PXDNL: variants seen among roughly 807,000 people sequenced by gnomAD.
PXDNL encodes probable oxidoreductase PXDNL.
Under a neutral mutation model 150.8 loss-of-function variants are expected in PXDNL, and 145 were observed. The ratio of observed to expected loss-of-function variants is 0.96; its 90% CI spans 0.84 to 1.10. PXDNL has a LOEUF of 1.10. Among genes scored for constraint, PXDNL ranks in the 50% least tolerant of loss-of-function variants. The pLI, the probability that PXDNL is intolerant of heterozygous loss-of-function variation, is 0.00. For missense variants in PXDNL, 2,087 were observed against 1,873.9 expected (o/e 1.11, Z -2.10); for synonymous variants, 757 against 725.7 (o/e 1.04, Z -0.69).
Position 51,447,621 on chromosome 8 carries a change from C to T in PXDNL, c.1367-459G>A, listed in dbSNP as rs1432794626. Among the ~76,000 whole-genome samples the T allele has an allele frequency of 3.3e-5, 5 of 152,122 alleles. 1 individual carries two copies. The highest frequency in any genetic ancestry group is 3.3e-4 in the Admixed American group (5 of 15,284). The stretch of plus-strand genomic sequence containing the variant: ...AAATGGTGATTTTGTGACATTCATG[C>T]TGTTATCTACACAGTCAACCAGAGG... On this transcript the variant is annotated intron_variant, in intron 11 of 22. Coordinates refer to ENST00000356297, the MANE Select transcript of PXDNL (RefSeq NM_144651.5).
intron 17 of PXDNL, among the ~76,000 whole-genome samples, chr8:51,391,870 AG>A: frequency 6.6e-6 from 1 of 152,112 alleles, no homozygotes; most frequent in Non-Finnish European, 1.5e-5. Context: ...TTATGGTTTT[AG>A]GTCTAATGTT....
rs1249996631 is a variant in PXDNL, at chr8:51,408,312, C to G, written c.3312G>C (p.Leu1104=). Residue 1104 remains leucine, a synonymous_variant, in exon 17 of 23, where the codon CTG becomes CTC. Transcript: ENST00000356297. ...EGGIDPVLRG[L]FGVAAKWRAP... The stretch of plus-strand genomic sequence containing the variant: ...CCCGCCATTTAGCAGCCACGCCAAA[C>G]AGCCCCCGGAGAACCGGGTCTATCC... The G allele has an allele frequency of 6.2e-7, 1 of 1,613,884 alleles. No individual in the cohort carries two copies. The highest frequency in any genetic ancestry group is 8.5e-7 in the Non-Finnish European group (1 of 1,179,890).
At chr8:51,400,544 C>T (rs1808216637) in intron 17 of PXDNL, among the ~76,000 whole-genome samples, 1 of 152,094 alleles carries the variant, frequency 6.6e-6, no homozygotes, top group South Asian at 2.1e-4. Context: ...TCTGTTTTTG[C>T]TAGACAAATA....
At chr8:51,418,683 CTA>C (rs1285958598) in intron 14 of PXDNL, among the ~76,000 whole-genome samples, 1 of 152,104 alleles carries the variant, frequency 6.6e-6, no homozygotes, top group Admixed American at 6.5e-5. Flanking sequence ...ACTGATATTC[CTA>C]TGAGTTTAGT....
At chr8:51,627,183 C>T (rs1276670942) in intron 2 of PXDNL, among the ~76,000 whole-genome samples, 1 of 152,134 alleles carries the variant, frequency 6.6e-6, no homozygotes, top group Non-Finnish European at 1.5e-5. Flanking sequence ...AATTAAATTT[C>T]TCTGTGACTT....
At chr8:51,733,475 TGAA>T (rs762395893) in intron 1 of PXDNL, among the ~76,000 whole-genome samples, 1 of 151,834 alleles carries the variant, frequency 6.6e-6, no homozygotes, top group Non-Finnish European at 1.5e-5. Context: ...GGAGGAAACA[TGAA>T]GGAGGGAAGA....
intron 8 of PXDNL, among the ~76,000 whole-genome samples, chr8:51,461,660 C>T (rs934513750): frequency 8.5e-5 from 13 of 152,226 alleles, no homozygotes; most frequent in Non-Finnish European, 1.6e-4. Flanking sequence ...CCCTAGGGAG[C>T]TGCAAGTCTC....
chr8:51,365,878 A>C (rs1466058189), intron 19 of PXDNL, among the ~76,000 whole-genome samples: 2 of 152,212 alleles, frequency 1.3e-5, no homozygotes, highest in African/African-American at 4.8e-5. Context: ...GCCCCAACAA[A>C]CCAGACAAAA....
At chr8:51,707,416 T>C (rs1281960002) in intron 1 of PXDNL, among the ~76,000 whole-genome samples, 1 of 152,184 alleles carries the variant, frequency 6.6e-6, no homozygotes, top group East Asian at 1.9e-4. Flanking sequence ...CCTATACTCA[T>C]GATACCACAG....
intron 20 of PXDNL, among the ~76,000 whole-genome samples, chr8:51,344,263 C>T (rs1042436632): frequency 6.6e-6 from 1 of 151,568 alleles, no homozygotes; most frequent in Non-Finnish European, 1.5e-5. Flanking sequence ...TGCTACCATG[C>T]CCAGCTAATT....
At chr8:51,571,479 T>A (rs2130593745) in intron 3 of PXDNL, among the ~76,000 whole-genome samples, 1 of 151,976 alleles carries the variant, frequency 6.6e-6, no homozygotes. Context: ...ATGATGTCAT[T>A]TTGAGAGAGA....
chr8:51,356,118 T>C (rs1806499808), intron 19 of PXDNL, among the ~76,000 whole-genome samples: 4 of 152,232 alleles, frequency 2.6e-5, no homozygotes, highest in African/African-American at 9.6e-5. Context: ...TTTTGCTTCC[T>C]AATCTTAAGA....
At position 51,386,222 on chromosome 8, in the gene PXDNL, AGC is replaced by A. The variant is rs541221862; in HGVS notation, c.3558-11493_3558-11492del. Among the ~76,000 whole-genome samples, 25 of 152,124 alleles carry A rather than the reference AGC, an allele frequency of 1.6e-4. No individual in the cohort carries two copies. In the South Asian group the frequency reaches 4.8e-3, roughly 29 times the overall value. ...ATTCTTCTGCCTCAGCCTCCGGAGT[AGC>A]TGGGACTACAGGCACGTGCCACCAT... On this transcript the variant is annotated intron_variant, in intron 17 of 22. Coordinates refer to ENST00000356297, the MANE Select transcript of PXDNL (RefSeq NM_144651.5).
rs149385606 is a variant in PXDNL at position 51,408,150 on chromosome 8, A to T, written c.3474T>A (p.Val1158=). The T allele has an allele frequency of 3.3e-3, 5,263 of 1,613,636 alleles. 10 individuals carry two copies. The highest frequency in any genetic ancestry group is 3.6e-3 in the Non-Finnish European group (4,258 of 1,179,796). The change falls in exon 17 of 23, where the codon GTT becomes GTA. Residue 1158 remains valine (V), a synonymous_variant. Transcript: ENST00000356297. ...HGIPPYVDFR[V]FCNLTSVKNF... Reference sequence around the variant, plus strand: ...TCTTAACTGAAGTCAAATTACAGAAAACTCTGAAGTCAACATATGGTGGGA... The same window carrying T: ...TCTTAACTGAAGTCAAATTACAGAATACTCTGAAGTCAACATATGGTGGGA...
chr8:51,667,277 G>A lies in PXDNL; in HGVS notation c.165-12517C>T, dbSNP rs531382980. Among the ~76,000 whole-genome samples the A allele has an allele frequency of 8.5e-4, 129 of 152,228 alleles. 2 individuals carry two copies. In the South Asian group the frequency reaches 0.018, roughly 22 times the overall value. On this transcript the variant is annotated intron_variant, in intron 1 of 22. Coordinates refer to ENST00000356297, the MANE Select transcript of PXDNL (RefSeq NM_144651.5). ...ACAGCTTCTGTGCCGCACAGAGCAT[G>A]GCCCCAAGTCACTGTGTTCATTCAA...
In PXDNL at chr8:51,384,825, CA is replaced by C. The variant is rs1807651700; in HGVS notation, c.3558-10095del. On this transcript the variant is annotated intron_variant, in intron 17 of 22. Coordinates refer to ENST00000356297, the MANE Select transcript of PXDNL (RefSeq NM_144651.5). ...TAAAATGTGATAGTCATCAAATTTT[CA>C]AAAGCAGAGTACAGAATATAGAACT... Among the ~76,000 whole-genome samples the C allele has an allele frequency of 2.6e-5, 4 of 151,962 alleles. No individual in the cohort carries two copies. In the South Asian group the frequency reaches 8.3e-4, roughly 32 times the overall value.
chr8:51,762,627 C>CT (rs967327544), intron 1 of PXDNL, among the ~76,000 whole-genome samples: 2 of 152,202 alleles, frequency 1.3e-5, no homozygotes, highest in Non-Finnish European at 2.9e-5. Context: ...AAAGCTCCCA[C>CT]TTTGAGTTGT....
chr8:51,625,180 A>G (rs976033618), intron 2 of PXDNL, among the ~76,000 whole-genome samples: 5 of 152,186 alleles, frequency 3.3e-5, no homozygotes, highest in Non-Finnish European at 7.3e-5. Context: ...AAGCTCTTGC[A>G]TAAGTCACCC....
chr8:51,365,840 A>C (rs574115771), intron 19 of PXDNL, among the ~76,000 whole-genome samples: 2 of 152,304 alleles, frequency 1.3e-5, no homozygotes, highest in South Asian at 4.1e-4. Context: ...ATGGGAGATC[A>C]TTGTTTTGGA....
Sources: allele counts gnomAD v4.1 joint callset (sites outside exome capture counted in the v4.1 genomes callset), GRCh38; gene constraint gnomAD v4.1.1; transcripts MANE v1.5; gene names NCBI Gene and HGNC (gene_info 2026-07-23, HGNC 2026-07-21).